Variants in PTPN9 observed in about 807,000 individuals in gnomAD.
PTPN9 encodes the protein protein tyrosine phosphatase non-receptor type 9, also known as tyrosine-protein phosphatase non-receptor type 9.
PTPN9 carries 26 observed loss-of-function variants against 69.8 expected under a neutral mutation model. The observed-to-expected ratio is 0.37, with a 90% confidence interval of 0.27 to 0.52. PTPN9 has a LOEUF of 0.52. Among genes scored for constraint, PTPN9 ranks in the 20% least tolerant of loss-of-function variants. The pLI is 0.91. For missense variants in PTPN9, 549 were observed against 740.3 expected (o/e 0.74, Z 3.00); for synonymous variants, 274 against 272.5 (o/e 1.01, Z -0.05).
At chr15:75,558,394 C>G (rs1418942217) in intron 1 of PTPN9, among the ~76,000 whole-genome samples, 1 of 152,160 alleles carries the variant, frequency 6.6e-6, no homozygotes, top group Non-Finnish European at 1.5e-5. Flanking sequence ...GTAATCCCAG[C>G]TACTCGGAAG....
At chr15:75,503,568 C>G (rs2074788683) in intron 7 of PTPN9, among the ~76,000 whole-genome samples, 2 of 94,572 alleles carry the variant, frequency 2.1e-5, no homozygotes, top group African/African-American at 8.7e-5. Context: ...CCCCGCCCGG[C>G]CAGCCGCTCC....
chr15:75,537,163 C>G (rs1032187033), intron 1 of PTPN9, among the ~76,000 whole-genome samples: 1 of 150,426 alleles, frequency 6.6e-6, no homozygotes, highest in Non-Finnish European at 1.5e-5. Context: ...ACCAGCCTGA[C>G]CAATATGGCA....
chr15:75,498,056 C>T (rs546708472), intron 7 of PTPN9, among the ~76,000 whole-genome samples: 2 of 151,262 alleles, frequency 1.3e-5, no homozygotes, highest in East Asian at 2.0e-4. Context: ...ATTAGCTGGG[C>T]GTGGTAGCAG....
intron 7 of PTPN9, among the ~76,000 whole-genome samples, chr15:75,500,344 TACACACAC>T (rs35248279): frequency 4.9e-5 from 7 of 142,556 alleles, no homozygotes; most frequent in South Asian, 2.3e-4. Flanking sequence ...CAAACATACA[TACACACAC>T]ACACACACAC....
intron 7 of PTPN9, among the ~76,000 whole-genome samples, chr15:75,491,667 TCA>T (rs1465190219): frequency 6.6e-6 from 1 of 152,188 alleles, no homozygotes; most frequent in Non-Finnish European, 1.5e-5. Flanking sequence ...AGAGAAAGCC[TCA>T]GTCTTCTTAG....
intron 6 of PTPN9, among the ~76,000 whole-genome samples, chr15:75,508,652 C>CG (rs1364936505): frequency 1.3e-5 from 2 of 152,196 alleles, no homozygotes; most frequent in African/African-American, 2.4e-5. Context: ...TCCTTCAGTA[C>CG]TATCTTATGC....
intron 1 of PTPN9, among the ~76,000 whole-genome samples, chr15:75,576,508 G>A (rs1382263255): frequency 6.6e-6 from 1 of 151,688 alleles, no homozygotes; most frequent in East Asian, 1.9e-4. Context: ...CTCCAGTCTG[G>A]GCAACAAAAC....
chr15:75,507,624 G>A (rs966139503), intron 6 of PTPN9, among the ~76,000 whole-genome samples: 21 of 151,660 alleles, frequency 1.4e-4, no homozygotes, highest in Admixed American at 1.1e-3. Context: ...AAAATTAGCC[G>A]GGCGTGACAG....
chr15:75,478,023 T>A (rs2074606456), intron 9 of PTPN9, among the ~76,000 whole-genome samples: 1 of 151,938 alleles, frequency 6.6e-6, no homozygotes, highest in Non-Finnish European at 1.5e-5. Flanking sequence ...GTATTTTTAG[T>A]AGAGACGGTG....
At chr15:75,494,542 G>A (rs1309100884) in intron 7 of PTPN9, among the ~76,000 whole-genome samples, 5 of 151,562 alleles carry the variant, frequency 3.3e-5, no homozygotes, top group Admixed American at 2.6e-4. Flanking sequence ...TAGCAGAGAC[G>A]GGGTTTCGCC....
At chr15:75,504,625 G>A (rs1276571637) in intron 7 of PTPN9, among the ~76,000 whole-genome samples, 39 of 136,958 alleles carry the variant, frequency 2.8e-4, no homozygotes, top group African/African-American at 2.5e-4. Flanking sequence ...CAGCCGCCCC[G>A]TCTGGGAGGG....
intron 7 of PTPN9, among the ~76,000 whole-genome samples, chr15:75,502,710 T>TC (rs2074780548): frequency 1.3e-5 from 2 of 152,166 alleles, no homozygotes; most frequent in East Asian, 3.9e-4. Flanking sequence ...CACATACCCC[T>TC]CCTCAAGAAG....
intron 1 of PTPN9, among the ~76,000 whole-genome samples, chr15:75,573,553 T>C (rs1272739592): frequency 1.3e-5 from 2 of 152,180 alleles, no homozygotes; most frequent in African/African-American, 2.4e-5. Context: ...TAAATCAAAG[T>C]ATATATTGCC....
chr15:75,571,130 G>A (rs1277080611), intron 1 of PTPN9, among the ~76,000 whole-genome samples: 2 of 151,840 alleles, frequency 1.3e-5, no homozygotes, highest in Non-Finnish European at 2.9e-5. Context: ...TATGGTGGCG[G>A]GCACCTGTAA....
chr15:75,560,254 T>C lies in PTPN9; in HGVS notation c.63+18460A>G, dbSNP rs544585323. The stretch of plus-strand genomic sequence containing the variant: ...TTCCGGAAATGTCTAATGGTTTCTC[T>C]AGAGCATTTAGAAATTAATCTAGAA... On this transcript the variant is annotated intron_variant, in intron 1 of 12. Transcript: ENST00000618819. Among the ~76,000 whole-genome samples the C allele has an allele frequency of 5.3e-5, 8 of 152,350 alleles. No individual in the cohort carries two copies. The South Asian group carries it at 1.7e-3, about 32-fold the overall frequency.
intron 1 of PTPN9, among the ~76,000 whole-genome samples, chr15:75,566,740 C>T (rs1168102517): frequency 6.6e-6 from 1 of 151,384 alleles, no homozygotes; most frequent in African/African-American, 2.4e-5. Flanking sequence ...ATAATCTTAG[C>T]ATTTTGGGAG....
intron 5 of PTPN9, among the ~76,000 whole-genome samples, chr15:75,510,623 T>G (rs1402948411): frequency 2.6e-5 from 4 of 152,294 alleles, no homozygotes; most frequent in South Asian, 4.1e-4. Flanking sequence ...CTTTTCTATT[T>G]TAATGTCAGA....
intron 8 of PTPN9, chr15:75,487,363 A>C (rs1486057702): frequency 6.6e-6 from 1 of 152,096 alleles, no homozygotes; most frequent in Non-Finnish European, 1.5e-5. Context: ...AATAAAATAA[A>C]AAAAAAGCCT....
intron 1 of PTPN9, among the ~76,000 whole-genome samples, chr15:75,565,483 A>G (rs887839379): frequency 4.6e-5 from 7 of 152,134 alleles, no homozygotes; most frequent in African/African-American, 1.7e-4. Flanking sequence ...GAGCTGTCCT[A>G]TGCATTAGAG....
Sources: gnomAD v4.1 joint callset for allele counts (sites outside exome capture counted in the v4.1 genomes callset) on GRCh38, gnomAD v4.1.1 for gene constraint, MANE v1.5 for transcripts, NCBI Gene and HGNC (gene_info 2026-07-23, HGNC 2026-07-21) for gene names.